DIS3L2: variants seen among roughly 807,000 people sequenced by gnomAD.
DIS3L2 encodes the protein DIS3-like exonuclease 2.
Under a neutral mutation model 97.5 loss-of-function variants are expected in DIS3L2, and 34 were observed. That is an observed-to-expected ratio of 0.35 (90% CI 0.27 to 0.46). The LOEUF (loss-of-function observed/expected upper bound fraction) is 0.46. Among genes scored for constraint, DIS3L2 ranks in the 20% least tolerant of loss-of-function variants. DIS3L2 has a pLI of 1.00. For synonymous variants in DIS3L2, 435 were observed against 445.2 expected, an observed-to-expected ratio of 0.98 and a Z score of 0.29; for missense variants, 1,038 against 1,146.0, an observed-to-expected ratio of 0.91 and a Z score of 1.36.
At chr2:231,994,259 A>T (rs998540511) in intron 1 of DIS3L2, among the ~76,000 whole-genome samples, 6 of 152,116 alleles carry the variant, frequency 3.9e-5, no homozygotes, top group African/African-American at 1.4e-4. Context: ...TGTCCCTCTG[A>T]AAATACCACA....
chr2:232,306,892 C>T (rs1025484464), intron 14 of DIS3L2, among the ~76,000 whole-genome samples: 10 of 152,278 alleles, frequency 6.6e-5, no homozygotes, highest in Non-Finnish European at 4.4e-5. Flanking sequence ...ACCTCACGCT[C>T]CTGCGTACAA....
chr2:232,281,282 C>T lies in DIS3L2; in HGVS notation c.1659+17842C>T, dbSNP rs1694278440. Among the ~76,000 whole-genome samples, 1 of 152,064 alleles carries T rather than the reference C, an allele frequency of 6.6e-6. No homozygotes were observed. The highest frequency in any genetic ancestry group is 1.5e-5 in the Non-Finnish European group (1 of 68,006). On this transcript the variant is annotated intron_variant, in intron 13 of 20. Transcript: ENST00000325385. The surrounding 1 kb of genome is among the most constrained non-coding windows in gnomAD (Gnocchi z 4.1). Reference sequence around the variant, plus strand: ...GGCGTGGTGGCGGGCGCCTGTGGTCCCAGCTATTTGGGAGGCTGAGGCAGG... The same window carrying T: ...GGCGTGGTGGCGGGCGCCTGTGGTCTCAGCTATTTGGGAGGCTGAGGCAGG...
At chr2:232,143,955 T>C (rs1281041342) in intron 8 of DIS3L2, among the ~76,000 whole-genome samples, 1 of 152,172 alleles carries the variant, frequency 6.6e-6, no homozygotes, top group Non-Finnish European at 1.5e-5. Flanking sequence ...TTTTGAACCT[T>C]TACAAAATAC....
chr2:232,008,390 T>C (rs1694109488), intron 1 of DIS3L2, among the ~76,000 whole-genome samples: 2 of 152,122 alleles, frequency 1.3e-5, no homozygotes, highest in Admixed American at 6.5e-5. Context: ...CCATTTTTTT[T>C]CTAAGTTTAT....
chr2:232,116,036 G>A lies in DIS3L2; in HGVS notation c.602-14583G>A, dbSNP rs552463749. Among the ~76,000 whole-genome samples the A allele has an allele frequency of 1.1e-4, 16 of 152,196 alleles. No individual in the cohort carries two copies. In the South Asian group the frequency reaches 3.3e-3, roughly 32 times the overall value. On this transcript the variant is annotated intron_variant, in intron 6 of 20. Transcript: ENST00000325385. Reference sequence around the variant, plus strand: ...AAAATACAAAAATTAGCCTGGCATGGTGCCGGACACTTGTAATCCCAGCTA... The same window carrying A: ...AAAATACAAAAATTAGCCTGGCATGATGCCGGACACTTGTAATCCCAGCTA...
At chr2:232,125,153 T>C (rs994111098) in intron 6 of DIS3L2, among the ~76,000 whole-genome samples, 2 of 152,214 alleles carry the variant, frequency 1.3e-5, no homozygotes, top group African/African-American at 4.8e-5. Context: ...GCCTTTCCAT[T>C]CTCAACTCAA....
intron 13 of DIS3L2, among the ~76,000 whole-genome samples, chr2:232,285,769 A>T (rs537910049): frequency 1.3e-5 from 2 of 152,148 alleles, no homozygotes; most frequent in Admixed American, 1.3e-4. Flanking sequence ...ATACCTGGAC[A>T]CTTGTTCCTG....
At chr2:232,134,311 G>T (rs542738920) in intron 7 of DIS3L2, among the ~76,000 whole-genome samples, 7 of 152,264 alleles carry the variant, frequency 4.6e-5, no homozygotes, top group South Asian at 4.1e-4. Context: ...TATCTTCAGA[G>T]AATTTAAGGT....
intron 1 of DIS3L2, among the ~76,000 whole-genome samples, chr2:231,998,579 C>T (rs1313957677): frequency 6.6e-6 from 1 of 152,178 alleles, no homozygotes; most frequent in African/African-American, 2.4e-5. Flanking sequence ...TAAGGTGGGT[C>T]TGCCAGATTT....
Position 232,263,199 on chromosome 2 carries a change from C to G in DIS3L2, c.1426-8C>G. 1 of 1,613,802 alleles carries G rather than the reference C, an allele frequency of 6.2e-7. No individual in the cohort carries two copies. Among genetic ancestry groups the G allele is most frequent in the Non-Finnish European group, 8.5e-7 (1 of 1,179,642 alleles). On this transcript the variant is annotated splice_polypyrimidine_tract_variant and splice_region_variant and intron_variant, in intron 12 of 20. Transcript: ENST00000325385. ...CACAATTCCCTTGTAATCTGTCCATCTTTGCAGATCCTTGATGAATGGTTT... is the reference window on the plus strand; with the variant it reads ...CACAATTCCCTTGTAATCTGTCCATGTTTGCAGATCCTTGATGAATGGTTT...
chr2:232,300,142 G>T (rs754970656), intron 14 of DIS3L2, 23 bp downstream of exon 14: 5 of 1,610,148 alleles, frequency 3.1e-6, no homozygotes, highest in Admixed American at 3.3e-5. Flanking sequence ...GTGGGAAAGA[G>T]TGTCACTTCA....
chr2:232,122,414 A>C (rs1697932084), intron 6 of DIS3L2, among the ~76,000 whole-genome samples: 1 of 152,120 alleles, frequency 6.6e-6, no homozygotes, highest in Non-Finnish European at 1.5e-5. Context: ...ACAGGGTTGG[A>C]TTCACTTATA....
intron 1 of DIS3L2, among the ~76,000 whole-genome samples, chr2:231,988,285 T>A (rs1032106829): frequency 2.6e-5 from 4 of 152,242 alleles, no homozygotes; most frequent in Non-Finnish European, 4.4e-5. Context: ...AATCACTATC[T>A]TTCAAACTCA....
intron 3 of DIS3L2, among the ~76,000 whole-genome samples, chr2:232,016,813 A>G (rs1468971596): frequency 6.6e-6 from 1 of 151,818 alleles, no homozygotes; most frequent in Non-Finnish European, 1.5e-5. Flanking sequence ...ATTTTCTCTT[A>G]TTCTGAGAGC....
intron 10 of DIS3L2, among the ~76,000 whole-genome samples, chr2:232,216,839 C>T (rs1299759543): frequency 6.7e-6 from 1 of 148,784 alleles, no homozygotes; most frequent in East Asian, 2.0e-4. Flanking sequence ...CTCTCCCCTC[C>T]CCTCCCCTCC....
intron 5 of DIS3L2, among the ~76,000 whole-genome samples, chr2:232,053,687 A>C (rs1695469831): frequency 6.6e-6 from 1 of 152,214 alleles, no homozygotes; most frequent in Admixed American, 6.5e-5. Flanking sequence ...ATTATAAAGG[A>C]TATTGCAAAG....
intron 8 of DIS3L2, among the ~76,000 whole-genome samples, chr2:232,156,887 A>G (rs1690509634): frequency 1.3e-5 from 2 of 152,322 alleles, no homozygotes; most frequent in African/African-American, 4.8e-5. Context: ...TATGCTATCT[A>G]ATTAATGGAT....
intron 5 of DIS3L2, among the ~76,000 whole-genome samples, chr2:232,081,366 G>A (rs547287395): frequency 3.9e-5 from 6 of 151,910 alleles, no homozygotes; most frequent in Non-Finnish European, 8.8e-5. Flanking sequence ...ATAATAAAAC[G>A]TTCATACGTT....
chr2:232,217,711 A>G (rs1340953881), intron 10 of DIS3L2, among the ~76,000 whole-genome samples: 1 of 152,256 alleles, frequency 6.6e-6, no homozygotes, highest in Non-Finnish European at 1.5e-5. Flanking sequence ...CCAGATAAAC[A>G]GTTGCCTAGG....
Sources: gnomAD v4.1 joint callset for allele counts (sites outside exome capture counted in the v4.1 genomes callset) on GRCh38, gnomAD v4.1.1 for gene constraint, Gnocchi (gnomAD v3.1) non-coding constraint, MANE v1.5 for transcripts, NCBI Gene and HGNC (gene_info 2026-07-23, HGNC 2026-07-21) for gene names.